Variants in CCDC146 observed in about 807,000 individuals in gnomAD.
The protein encoded by CCDC146 is coiled-coil domain-containing protein 146.
A neutral mutation model predicts 119.3 loss-of-function variants in CCDC146; 92 were observed. That is an observed-to-expected ratio of 0.77 (90% CI 0.65 to 0.92). The LOEUF is 0.92. Ranked by LOEUF, CCDC146 falls within the 40% of genes least tolerant of loss-of-function variation. The pLI is 0.00. For missense variants in CCDC146, 1,000 were observed against 1,103.0 expected, an observed-to-expected ratio of 0.91 and a Z score of 1.32; for synonymous variants, 372 against 371.8, an observed-to-expected ratio of 1.00 and a Z score of -0.01.
chr7:77,132,389 A>G (rs568904683), intron 1 of CCDC146, among the ~76,000 whole-genome samples: 1 of 152,124 alleles, frequency 6.6e-6, no homozygotes, highest in Admixed American at 6.5e-5. Flanking sequence ...AGTGGGGTTT[A>G]TCTCTCGAAT....
At chr7:77,154,019 G>A (rs1484088637) in intron 1 of CCDC146, among the ~76,000 whole-genome samples, 2 of 151,644 alleles carry the variant, frequency 1.3e-5, no homozygotes, top group Admixed American at 1.3e-4. Flanking sequence ...AATCTTAAAT[G>A]CATTATGCTA....
intron 1 of CCDC146, among the ~76,000 whole-genome samples, chr7:77,134,559 GTGTC>G (rs776403681): frequency 0.18 from 21,877 of 123,362 alleles, 2,050 homozygotes; most frequent in Non-Finnish European, 0.22. Context: ...GTGTGTGTGT[GTGTC>G]TGTGTGTGTG....
At chr7:77,293,767 A>G (rs1328195576) in intron 18 of CCDC146, among the ~76,000 whole-genome samples, 1 of 152,162 alleles carries the variant, frequency 6.6e-6, no homozygotes, top group Non-Finnish European at 1.5e-5. Flanking sequence ...GTCTACCCCC[A>G]TGACCTGTCA....
chr7:77,266,986 A>G (rs1209648857), intron 9 of CCDC146, among the ~76,000 whole-genome samples: 1 of 118,970 alleles, frequency 8.4e-6, no homozygotes, highest in Non-Finnish European at 1.7e-5. Flanking sequence ...TGATAATGCA[A>G]AGGAATTTTT....
At chr7:77,254,141 C>T (rs1031331969) in intron 4 of CCDC146, among the ~76,000 whole-genome samples, 1 of 152,112 alleles carries the variant, frequency 6.6e-6, no homozygotes, top group African/African-American at 2.4e-5. Flanking sequence ...AGTAGGAGAT[C>T]GATTGGGAGG....
intron 9 of CCDC146, among the ~76,000 whole-genome samples, chr7:77,264,074 A>G (rs73375403): frequency 0.085 from 12,931 of 152,112 alleles, 836 homozygotes; most frequent in African/African-American, 0.19. Context: ...TATGATATAT[A>G]TACTTCTTAT....
intron 16 of CCDC146, 24 bp from the exon 17 acceptor site, chr7:77,287,416 T>C: frequency 3.1e-6 from 5 of 1,613,196 alleles, no homozygotes; most frequent in Non-Finnish European, 4.2e-6. Flanking sequence ...TTTTTATTCC[T>C]CTTGAACCAA....
Position 77,241,769 on chromosome 7 carries a change from G to A in CCDC146, c.318G>A (p.Leu106=), listed in dbSNP as rs74783981. 0.093 allele frequency: 150,539 copies of A among 1,613,880 alleles called. 7,506 individuals carry two copies. Among genetic ancestry groups the A allele is most frequent in the South Asian group, 0.11 (10,039 of 91,068 alleles). ...AAATACAACAGCAGCAGTTTCACCT[G>A]CAGCAAGCTGATAATTTTCCAGAAG... The part of the protein sequence containing the change: ...TEQIQQQQFH[L]QQADNFPEAF... Residue 106 remains leucine (L), a synonymous_variant, in exon 4 of 19, where the codon CTG becomes CTA. Coordinates refer to ENST00000285871, the MANE Select transcript of CCDC146 (RefSeq NM_020879.3).
At chr7:77,186,802 A>G (rs973604321) in intron 2 of CCDC146, among the ~76,000 whole-genome samples, 1 of 152,168 alleles carries the variant, frequency 6.6e-6, no homozygotes, top group African/African-American at 2.4e-5. Context: ...GTCAGAACAA[A>G]TTTATAGACA....
intron 2 of CCDC146, among the ~76,000 whole-genome samples, chr7:77,204,905 G>A (rs1792055994): frequency 6.6e-6 from 1 of 152,140 alleles, no homozygotes; most frequent in Admixed American, 6.5e-5. Flanking sequence ...GACCACTTGA[G>A]GCCAGAAATT....
rs551194572 is a variant in CCDC146 at position 77,224,548 on chromosome 7, T to C, written c.157-12399T>C. On this transcript the variant is annotated intron_variant, in intron 2 of 18. Coordinates refer to ENST00000285871, the MANE Select transcript of CCDC146 (RefSeq NM_020879.3). ...CTCTTTTGTCATGTGAAGAAAGCCATCCACAGGTTCCAGGGATTAGGACAT... is the reference window on the plus strand; with the variant it reads ...CTCTTTTGTCATGTGAAGAAAGCCACCCACAGGTTCCAGGGATTAGGACAT... Among the ~76,000 whole-genome samples, 4 of 152,322 alleles carry C rather than the reference T, an allele frequency of 2.6e-5. No individual in the cohort carries two copies. The East Asian group carries it at 7.7e-4, about 29-fold the overall frequency.
chr7:77,149,961 C>T (rs2539163), intron 1 of CCDC146, among the ~76,000 whole-genome samples: 31,817 of 150,398 alleles, frequency 0.21, 3,592 homozygotes, highest in African/African-American at 0.23. Context: ...GGAAGAAGAT[C>T]TTTTTTTTCA....
intron 2 of CCDC146, among the ~76,000 whole-genome samples, chr7:77,223,377 C>T (rs189252126): frequency 2.6e-5 from 4 of 152,348 alleles, no homozygotes; most frequent in South Asian, 2.1e-4. Context: ...CCTTGCCCAT[C>T]GCATTTGCTC....
At chr7:77,277,122 G>A (rs1204984732) in intron 11 of CCDC146, among the ~76,000 whole-genome samples, 2 of 151,912 alleles carry the variant, frequency 1.3e-5, no homozygotes, top group African/African-American at 2.4e-5. Context: ...AGGGAAGGAA[G>A]GAAAAGAAGG....
Position 77,197,115 on chromosome 7 carries a change from T to G in CCDC146, c.156+29291T>G, listed in dbSNP as rs1791887774. On this transcript the variant is annotated intron_variant, in intron 2 of 18. Coordinates refer to ENST00000285871, the MANE Select transcript of CCDC146 (RefSeq NM_020879.3). Reference sequence around the variant, plus strand: ...AGTAATGAAACTTTACTAAACTTACTTGAACCTGTTTAGCAAATGCTTAAG... The same window carrying G: ...AGTAATGAAACTTTACTAAACTTACGTGAACCTGTTTAGCAAATGCTTAAG... 10 of 632,788 alleles carry G rather than the reference T, an allele frequency of 1.6e-5. No homozygotes were observed. In the South Asian group the frequency reaches 2.0e-4, roughly 13 times the overall value. 39.2% of individuals were successfully genotyped at this position (632,788 alleles called of 1,614,324 possible).
intron 2 of CCDC146, chr7:77,198,154 A>C: frequency 1.0e-6 from 1 of 985,452 alleles, no homozygotes; most frequent in Non-Finnish European, 1.2e-6. Flanking sequence ...GCAGTGTGCC[A>C]GGTACATTCA....
intron 2 of CCDC146, among the ~76,000 whole-genome samples, chr7:77,168,350 G>A (rs1791369684): frequency 1.3e-5 from 2 of 151,572 alleles, no homozygotes; most frequent in Non-Finnish European, 2.9e-5. Context: ...CATATATGAG[G>A]AGAGTTTTTT....
chr7:77,264,650 C>T (rs1793366946), intron 9 of CCDC146, among the ~76,000 whole-genome samples: 1 of 152,138 alleles, frequency 6.6e-6, no homozygotes, highest in African/African-American at 2.4e-5. Context: ...TAAGTTCTGC[C>T]TTTTTAAATT....
chr7:77,267,409 T>G (rs758859606), intron 9 of CCDC146, among the ~76,000 whole-genome samples: 8 of 152,156 alleles, frequency 5.3e-5, no homozygotes, highest in Non-Finnish European at 8.8e-5. Context: ...CCATTCCTAA[T>G]CAAGTCATCT....
Sources: allele counts gnomAD v4.1 joint callset (sites outside exome capture counted in the v4.1 genomes callset), GRCh38; gene constraint gnomAD v4.1.1; transcripts MANE v1.5; gene names NCBI Gene and HGNC (gene_info 2026-07-23, HGNC 2026-07-21).